TRPC3: variants seen among roughly 807,000 people sequenced by gnomAD.
TRPC3 encodes the protein short transient receptor potential channel 3.
In TRPC3, 54 loss-of-function variants were observed where a neutral mutation model predicts 90.9. The observed-to-expected ratio is 0.59, with a 90% confidence interval of 0.48 to 0.75. The LOEUF (loss-of-function observed/expected upper bound fraction) is 0.75. TRPC3 is among the 30% of genes least tolerant of loss of function. The pLI is 0.00. For synonymous variants in TRPC3, 424 were observed against 450.9 expected (o/e 0.94, Z 0.75); for missense variants, 918 against 1,194.5 (o/e 0.77, Z 3.41).
At chr4:121,949,326 G>T (rs577135901) in intron 1 of TRPC3, among the ~76,000 whole-genome samples, 6 of 152,244 alleles carry the variant, frequency 3.9e-5, no homozygotes, top group East Asian at 1.9e-4. Flanking sequence ...TTTCCACATG[G>T]AATAGGGCAG....
intron 3 of TRPC3, among the ~76,000 whole-genome samples, chr4:121,921,108 C>A (rs1456624830): frequency 6.6e-6 from 1 of 152,126 alleles, no homozygotes; most frequent in Non-Finnish European, 1.5e-5. Context: ...TTCTGTAAGG[C>A]CTGTGTTGAA....
chr4:121,943,579 C>T (rs992251743), intron 1 of TRPC3, among the ~76,000 whole-genome samples: 15 of 152,160 alleles, frequency 9.9e-5, no homozygotes, highest in African/African-American at 3.6e-4. Flanking sequence ...TTCAGGAAGA[C>T]TAGTGACAAT....
At chr4:121,921,476 C>CGTGCCACT (rs1330315172) in intron 3 of TRPC3, among the ~76,000 whole-genome samples, 4 of 137,446 alleles carry the variant, frequency 2.9e-5, no homozygotes, top group Non-Finnish European at 6.1e-5. Context: ...GAGCCGAGAT[C>CGTGCCACT]GCGCCACTGC....
chr4:121,914,367 G>T (rs1458395938), intron 4 of TRPC3, among the ~76,000 whole-genome samples: 1 of 152,228 alleles, frequency 6.6e-6, no homozygotes, highest in African/African-American at 2.4e-5. Context: ...CAAATGGGTT[G>T]CCCTTCTAGT....
chr4:121,885,370 T>C (rs1728078746), intron 10 of TRPC3, among the ~76,000 whole-genome samples: 1 of 152,192 alleles, frequency 6.6e-6, no homozygotes, highest in South Asian at 2.1e-4. Flanking sequence ...GAATAAAATC[T>C]GTTTTTACCA....
In TRPC3 at chr4:121,882,422, A is replaced by C; in HGVS notation, c.2555T>G (p.Met852Arg). ...LNQPTRYQQI[M>R]KRLIKRYVLK... Reference sequence around the variant, plus strand: ...AACATACCGCTTTATAAGTCTTTTCATTATCTGCTGTTGGGCAAAAGTAAA... The same window carrying C: ...AACATACCGCTTTATAAGTCTTTTCCTTATCTGCTGTTGGGCAAAAGTAAA... The change falls in exon 11 of 12, where the codon ATG (methionine) becomes AGG (arginine). Residue 852 changes from methionine (M) to arginine (R), a missense_variant. Around this residue, in one of 4 missense-constraint regions of TRPC3, gnomAD observed 121 missense variants for 135.7 expected, o/e 0.89. Transcript: ENST00000379645. 1 of 1,609,714 alleles carries C rather than the reference A, an allele frequency of 6.2e-7. No individual in the cohort carries two copies. Among genetic ancestry groups the C allele is most frequent in the Non-Finnish European group, 8.5e-7 (1 of 1,178,322 alleles).
chr4:121,938,031 A>AC (rs1730189096), intron 1 of TRPC3, among the ~76,000 whole-genome samples: 1 of 151,902 alleles, frequency 6.6e-6, no homozygotes, highest in African/African-American at 2.4e-5. Context: ...AAAAAAAAAA[A>AC]ACAACCCAGA....
chr4:121,899,594 C>A lies in TRPC3; in HGVS notation c.2547+18G>T, dbSNP rs199888777. Reference sequence around the variant, plus strand: ...GGAATCACATAGAGATCAAGAGATACGTCTAATGAATGCTTACCTGATAAC... The same window carrying A: ...GGAATCACATAGAGATCAAGAGATAAGTCTAATGAATGCTTACCTGATAAC... On this transcript the variant is annotated intron_variant, in intron 10 of 11. Coordinates refer to ENST00000379645, the MANE Select transcript of TRPC3 (RefSeq NM_001130698.2). 6.3e-7 allele frequency: 1 copy of A among 1,599,628 alleles called. No homozygotes were observed. Among genetic ancestry groups the A allele is most frequent in the East Asian group, 2.2e-5 (1 of 44,670 alleles).
intron 10 of TRPC3, among the ~76,000 whole-genome samples, chr4:121,896,301 A>T (rs1213194871): frequency 1.3e-5 from 2 of 152,120 alleles, no homozygotes; most frequent in African/African-American, 2.4e-5. Context: ...ATAGTATTGG[A>T]TGCTCTGGCC....
Position 121,924,704 on chromosome 4 carries a change from C to T in TRPC3, c.1176+314G>A, listed in dbSNP as rs989499940. Among the ~76,000 whole-genome samples the T allele has an allele frequency of 3.3e-5, 5 of 152,010 alleles. No homozygotes were observed. In the South Asian group the frequency reaches 6.2e-4, roughly 19 times the overall value. ...TACAGGCACGTGCCACCATGCCTGG[C>T]TAATTTTTAAATTTTTAGTAGAGAC... On this transcript the variant is annotated intron_variant, in intron 3 of 11. Transcript: ENST00000379645.
At position 121,928,905 on chromosome 4, in the gene TRPC3, G is replaced by A. The variant is rs573037099; in HGVS notation, c.987+3366C>T. ...AGGCTCTTTCCCTAATAACAAAAGA[G>A]GCAAGTTATCATACTGATTAAAAGC... is the stretch of plus-strand genomic sequence containing the variant. On this transcript the variant is annotated intron_variant, in intron 2 of 11. Transcript: ENST00000379645. 5.3e-5 allele frequency among the ~76,000 whole-genome samples: 8 copies of A among 152,312 alleles called. No individual in the cohort carries two copies. The East Asian group carries it at 1.5e-3, about 29-fold the overall frequency.
chr4:121,907,719 T>C (rs1376243165), intron 6 of TRPC3, 152 bp from the exon 7 acceptor site: 1 of 825,950 alleles, frequency 1.2e-6, no homozygotes, highest in South Asian at 2.1e-5. Flanking sequence ...CCAGGGACTA[T>C]TTTCATCTTA....
At chr4:121,899,562 C>T in intron 10 of TRPC3, 50 bp downstream of exon 10, 1 of 1,464,468 alleles carries the variant, frequency 6.8e-7, no homozygotes, top group Non-Finnish European at 9.6e-7. Context: ...CACACGCAGA[C>T]ATATATGGAA....
At chr4:121,929,770 G>A (rs192503232) in intron 2 of TRPC3, among the ~76,000 whole-genome samples, 13 of 151,928 alleles carry the variant, frequency 8.6e-5, no homozygotes, top group South Asian at 2.1e-4. Context: ...TGGCAATTTC[G>A]GGGGTGAGAT....
At chr4:121,941,442 A>C (rs968568397) in intron 1 of TRPC3, among the ~76,000 whole-genome samples, 1 of 152,194 alleles carries the variant, frequency 6.6e-6, no homozygotes, top group African/African-American at 2.4e-5. Context: ...GAAGGGCAAG[A>C]AGGGCAGATG....
In TRPC3 at chr4:121,876,152, A is replaced by G. The variant is rs1188599580; in HGVS notation, c.*3584T>C. Among the ~76,000 whole-genome samples the G allele has an allele frequency of 1.3e-5, 2 of 151,898 alleles. No individual in the cohort carries two copies. The highest frequency in any genetic ancestry group is 2.4e-5 in the African/African-American group (1 of 41,334). On this transcript the variant is annotated 3_prime_UTR_variant, in exon 12 of 12. Coordinates refer to ENST00000379645, the MANE Select transcript of TRPC3 (RefSeq NM_001130698.2). ...GAACTGAAGCCATCGACCTGCTTCA[A>G]CGTCCCAAAGTGCTGCGATTACAGG...
At chr4:121,929,340 C>A (rs1230040457) in intron 2 of TRPC3, among the ~76,000 whole-genome samples, 3 of 151,928 alleles carry the variant, frequency 2.0e-5, no homozygotes, top group African/African-American at 7.3e-5. Flanking sequence ...TGTTTTTTTA[C>A]TTTAAGGAGA....
At chr4:121,900,641 T>C (rs1474536242) in intron 9 of TRPC3, among the ~76,000 whole-genome samples, 1 of 152,208 alleles carries the variant, frequency 6.6e-6, no homozygotes, top group African/African-American at 2.4e-5. Flanking sequence ...TTTCTTGAGG[T>C]TCCTTCCTCT....
At chr4:121,899,461 G>T in intron 10 of TRPC3, 151 bp downstream of exon 10, 2 of 472,154 alleles carry the variant, frequency 4.2e-6, no homozygotes, top group South Asian at 7.8e-5. Context: ...AATTTCACAG[G>T]TGTTGAATCA....
Sources: gnomAD v4.1 joint callset for allele counts (sites outside exome capture counted in the v4.1 genomes callset) on GRCh38, gnomAD v4.1.1 for gene constraint, gnomAD v4.1.1 regional missense constraint, MANE v1.5 for transcripts, NCBI Gene and HGNC (gene_info 2026-07-23, HGNC 2026-07-21) for gene names.